Variants in PTPRT observed in about 807,000 individuals in gnomAD.
PTPRT encodes the protein receptor-type tyrosine-protein phosphatase T.
In PTPRT, 56 loss-of-function variants were observed where a neutral mutation model predicts 176.8. That is an observed-to-expected ratio of 0.32 (90% confidence interval 0.26 to 0.40). PTPRT has a LOEUF of 0.40. Among genes scored for constraint, PTPRT ranks in the 10% least tolerant of loss-of-function variants. The pLI, the probability that PTPRT is intolerant of heterozygous loss-of-function variation, is 1.00. For synonymous variants in PTPRT, 783 were observed against 739.0 expected (o/e 1.06, Z -0.96); for missense variants, 1,540 against 1,908.2 (o/e 0.81, Z 3.60).
intron 8 of PTPRT, among the ~76,000 whole-genome samples, chr20:42,471,443 C>T (rs1021577035): frequency 2.0e-5 from 3 of 152,090 alleles, no homozygotes; most frequent in Admixed American, 1.3e-4. Context: ...TGTGTGGCAC[C>T]GCCAATCTTT....
intron 17 of PTPRT, among the ~76,000 whole-genome samples, chr20:42,160,400 T>G (rs1989539379): frequency 6.6e-6 from 1 of 152,154 alleles, no homozygotes; most frequent in Non-Finnish European, 1.5e-5. Flanking sequence ...TTTATTTTAT[T>G]TTGCTTTTTG....
intron 7 of PTPRT, among the ~76,000 whole-genome samples, chr20:42,652,681 C>T (rs978707710): frequency 6.6e-6 from 1 of 152,116 alleles, no homozygotes; most frequent in Non-Finnish European, 1.5e-5. Context: ...CCTCTGATAG[C>T]AGGCCAAATC....
At chr20:42,552,962 C>T (rs537980180) in intron 7 of PTPRT, among the ~76,000 whole-genome samples, 18 of 152,154 alleles carry the variant, frequency 1.2e-4, no homozygotes, top group African/African-American at 3.9e-4. Context: ...CAATAAGAAC[C>T]GCCTTGAGTA....
chr20:42,820,838 A>G (rs1430933214), intron 2 of PTPRT, among the ~76,000 whole-genome samples: 1 of 152,232 alleles, frequency 6.6e-6, no homozygotes, highest in Non-Finnish European at 1.5e-5. Flanking sequence ...TCCTGGACGC[A>G]TACACTCAAC....
the PTPRT span, among the ~76,000 whole-genome samples, chr20:42,041,567 C>T: frequency 3.9e-5 from 6 of 152,248 alleles, no homozygotes; most frequent in South Asian, 6.2e-4. Context: ...AGCACTTTTA[C>T]GTATATTAAA....
chr20:42,511,019 G>T (rs969294101), intron 7 of PTPRT, among the ~76,000 whole-genome samples: 1 of 152,050 alleles, frequency 6.6e-6, no homozygotes, highest in Admixed American at 6.6e-5. Context: ...GGATTAAGGG[G>T]TTATCATGGG....
At chr20:42,102,953 T>A (rs1283611075) in intron 25 of PTPRT, among the ~76,000 whole-genome samples, 1 of 152,214 alleles carries the variant, frequency 6.6e-6, no homozygotes, top group Non-Finnish European at 1.5e-5. Flanking sequence ...CATCCTTCCC[T>A]CATTCAGCTC....
intron 19 of PTPRT, 45 bp from the exon 20 acceptor site, chr20:42,120,016 C>T (rs1166140904): frequency 6.5e-7 from 1 of 1,549,114 alleles, no homozygotes; most frequent in Non-Finnish European, 8.8e-7. Flanking sequence ...GTTGTCAAAG[C>T]TTGCAAACAG....
chr20:42,209,903 A>C lies in PTPRT; in HGVS notation c.2343-10515T>G, dbSNP rs879500776. Among the ~76,000 whole-genome samples the C allele has an allele frequency of 2.0e-3, 312 of 152,270 alleles. 1 individual carries two copies. The highest frequency in any genetic ancestry group is 3.2e-3 in the Non-Finnish European group (220 of 68,000). On this transcript the variant is annotated intron_variant, in intron 15 of 30. Transcript: ENST00000373187. ...CATTGATGCAAAAATCCTCAATAAA[A>C]TACTGGCAAAACGAATCCAGCAGCA...
At chr20:42,954,953 G>A (rs546567053) in intron 1 of PTPRT, among the ~76,000 whole-genome samples, 14 of 151,780 alleles carry the variant, frequency 9.2e-5, no homozygotes, top group Non-Finnish European at 1.9e-4. Context: ...AGGGAGAGGA[G>A]AAGGTTAAGG....
intron 6 of PTPRT, among the ~76,000 whole-genome samples, chr20:42,710,249 G>C (rs1569102580): frequency 6.6e-6 from 1 of 152,194 alleles, no homozygotes; most frequent in Non-Finnish European, 1.5e-5. Flanking sequence ...AGGGAGACAA[G>C]GGCTAATAGC....
chr20:42,577,847 G>GTGTGTGTGTA (rs2073289632), intron 7 of PTPRT, among the ~76,000 whole-genome samples: 1 of 151,192 alleles, frequency 6.6e-6, no homozygotes, highest in South Asian at 2.1e-4. Flanking sequence ...CTGTGTGTGT[G>GTGTGTGTGTA]TGTGTGTGTG....
intron 2 of PTPRT, among the ~76,000 whole-genome samples, chr20:42,835,249 C>G (rs755032856): frequency 6.6e-6 from 1 of 152,122 alleles, no homozygotes; most frequent in Non-Finnish European, 1.5e-5. Flanking sequence ...GAGATTAACA[C>G]TTTTGAGGGG....
At chr20:42,587,101 T>G (rs1418574953) in intron 7 of PTPRT, among the ~76,000 whole-genome samples, 13 of 152,178 alleles carry the variant, frequency 8.5e-5, no homozygotes, top group Non-Finnish European at 1.6e-4. Flanking sequence ...CAAGATCCAG[T>G]ACAGCTGCTG....
intron 1 of PTPRT, among the ~76,000 whole-genome samples, chr20:43,056,330 G>C (rs1411902484): frequency 6.6e-6 from 1 of 152,174 alleles, no homozygotes; most frequent in Non-Finnish European, 1.5e-5. Flanking sequence ...GCTGAGTCCA[G>C]CCACAGGAAT....
At chr20:42,083,045 C>T (rs1983499160) in intron 29 of PTPRT, among the ~76,000 whole-genome samples, 1 of 142,978 alleles carries the variant, frequency 7.0e-6, no homozygotes, top group Admixed American at 7.5e-5. Context: ...TAAAAGAATG[C>T]CCCTGTACCT....
intron 2 of PTPRT, among the ~76,000 whole-genome samples, chr20:42,837,920 C>G (rs1398845491): frequency 6.6e-6 from 1 of 151,954 alleles, no homozygotes; most frequent in East Asian, 1.9e-4. Flanking sequence ...ACATTTGCAC[C>G]CTAGACAGAT....
chr20:42,912,631 C>A (rs980330944), intron 1 of PTPRT, among the ~76,000 whole-genome samples: 2 of 152,150 alleles, frequency 1.3e-5, no homozygotes, highest in African/African-American at 4.8e-5. Flanking sequence ...TAAATATTCA[C>A]CTGTATCATT....
At chr20:43,035,944 A>G (rs947233143) in intron 1 of PTPRT, among the ~76,000 whole-genome samples, 1 of 152,178 alleles carries the variant, frequency 6.6e-6, no homozygotes, top group Admixed American at 6.5e-5. Flanking sequence ...TTTGCCCTGA[A>G]CCATAAACAT....
Sources: gnomAD v4.1 joint callset for allele counts (sites outside exome capture counted in the v4.1 genomes callset) on GRCh38, gnomAD v4.1.1 for gene constraint, MANE v1.5 for transcripts, NCBI Gene and HGNC (gene_info 2026-07-23, HGNC 2026-07-21) for gene names.